OXNAD1: variants seen among roughly 807,000 people sequenced by gnomAD.
OXNAD1 encodes the protein oxidoreductase NAD-binding domain-containing protein 1.
OXNAD1 carries 34 observed loss-of-function variants against 32.9 expected under a neutral mutation model. That is an observed-to-expected ratio of 1.03 (90% CI 0.79 to 1.38). The LOEUF (loss-of-function observed/expected upper bound fraction) is 1.38. Among genes scored for constraint, OXNAD1 ranks in the 40% most tolerant of loss-of-function variants. OXNAD1 has a pLI of 0.00. For synonymous variants in OXNAD1, 134 were observed against 135.2 expected, an observed-to-expected ratio of 0.99 and a Z score of 0.06; for missense variants, 407 against 379.4, an observed-to-expected ratio of 1.07 and a Z score of -0.60.
chr3:16,337,714 C>A (rs2070990802), downstream of OXNAD1, among the ~76,000 whole-genome samples: 1 of 148,384 alleles, frequency 6.7e-6, no homozygotes, highest in Admixed American at 6.7e-5. This position sits in a 1 kb window ranked among gnomAD's most constrained non-coding sequence, Gnocchi z 5.0. Context: ...TGCACTCCAG[C>A]CTGGCGACAG....
chr3:16,301,842 A>G lies in OXNAD1; in HGVS notation c.649A>G (p.Lys217Glu). The change falls in exon 7 of 9, where the codon AAA becomes GAA. Residue 217 changes from lysine to glutamate, a missense_variant. Lys to Glu is a moderately conservative substitution (Grantham distance 56, BLOSUM62 1). Coordinates refer to ENST00000285083, the MANE Select transcript of OXNAD1 (RefSeq NM_138381.5). The surrounding 1 kb of genome is among the most constrained non-coding windows in gnomAD (Gnocchi z 4.1). ...AACAATAAAACTATTCTACAGTGCA[A>G]AAAATACCAGCGAACTCCTGTTTAA... Reference protein sequence around the residue: ...IGTIKLFYSAKNTSELLFKKN... With the variant: ...IGTIKLFYSAENTSELLFKKN... 6.2e-7 allele frequency: 1 copy of G among 1,614,040 alleles called. No individual in the cohort carries two copies. The highest frequency in any genetic ancestry group is 8.5e-7 in the Non-Finnish European group (1 of 1,179,896).
chr3:16,345,786 C>CTGTGTGTGTGTGTGTGTGTGTGTGTGTG lies in OXNAD1; in HGVS notation c.*31-3389_*31-3388insGTGTGTGTGTGTGTGTGTGTGTGTGTGT, dbSNP rs1553726059. ...CATGAGCCAAAACCTTATAATAAAT[C>CTGTGTGTGTGTGTGTGTGTGTGTGTGTG]TCTGTGTGTGTGTGTGTGTGTGTGT... On this transcript the variant is annotated intron_variant, in intron 9 of 9. Transcript: ENST00000606098. This position sits in a 1 kb window ranked among gnomAD's most constrained non-coding sequence, Gnocchi z 5.2. 1.2e-5 allele frequency among the ~76,000 whole-genome samples: 1 copy of CTGTGTGTGTGTGTGTGTGTGTGTGTGTG among 81,556 alleles called. No individual in the cohort carries two copies. The highest frequency in any genetic ancestry group is 5.4e-5 in the African/African-American group (1 of 18,508). 53.5% of individuals were successfully genotyped at this position (81,556 alleles called of 152,430 possible). A position where few individuals can be genotyped will look rare whatever the true frequency, so the allele number is the denominator to read the frequency against.
Position 16,348,904 on chromosome 3 carries a change from AC to A in OXNAD1, c.*31-269del. Among the ~76,000 whole-genome samples, 1 of 152,232 alleles carries A rather than the reference AC, an allele frequency of 6.6e-6. No homozygotes were observed. Among genetic ancestry groups the A allele is most frequent in the Non-Finnish European group, 1.5e-5 (1 of 68,016 alleles). On this transcript the variant is annotated intron_variant, in intron 9 of 9. Transcript: ENST00000606098. This position sits in a 1 kb window ranked among gnomAD's most constrained non-coding sequence, Gnocchi z 6.3. The stretch of plus-strand genomic sequence containing the variant: ...CCACAATCCACACACATTTCAGAAC[AC>A]CCGAGCAAGTGGCTGCTGCCAAGGA...
At chr3:16,325,839 T>C (rs2069633381) in intron 9 of OXNAD1, among the ~76,000 whole-genome samples, 1 of 152,218 alleles carries the variant, frequency 6.6e-6, no homozygotes, top group African/African-American at 2.4e-5. Flanking sequence ...TTTGCCAGCC[T>C]TGCCCCATGC....
chr3:16,351,025 G>A (rs772253610), downstream of OXNAD1, among the ~76,000 whole-genome samples: 1 of 152,214 alleles, frequency 6.6e-6, no homozygotes, highest in African/African-American at 2.4e-5. The surrounding 1 kb of genome is among the most constrained non-coding windows in gnomAD (Gnocchi z 5.4). Context: ...GAAACCTGCA[G>A]AACTTCATGA....
chr3:16,319,291 CA>C (rs1364429374), intron 9 of OXNAD1, among the ~76,000 whole-genome samples: 1 of 152,088 alleles, frequency 6.6e-6, no homozygotes, highest in Non-Finnish European at 1.5e-5. Flanking sequence ...TTACTGTTGC[CA>C]AAAAAGTGGT....
rs956911329 is a variant in OXNAD1, at chr3:16,346,597, C to G, written c.*31-2579C>G. Among the ~76,000 whole-genome samples the G allele has an allele frequency of 2.6e-5, 4 of 152,242 alleles. No individual in the cohort carries two copies. Among genetic ancestry groups the G allele is most frequent in the African/African-American group, 9.6e-5 (4 of 41,538 alleles). On this transcript the variant is annotated intron_variant, in intron 9 of 9. Transcript: ENST00000606098. This position sits in a 1 kb window ranked among gnomAD's most constrained non-coding sequence, Gnocchi z 4.4. ...GCCCAGGGCTTCTTCCTCACTGACA[C>G]CCCCCAGGCCTGGACAACCATGACT...
At position 16,271,416 on chromosome 3, in the gene OXNAD1, C is replaced by CTG. The variant is rs1291092276; in HGVS notation, c.120-242_120-241dup. 6.6e-6 allele frequency among the ~76,000 whole-genome samples: 1 copy of CTG among 152,130 alleles called. No homozygotes were observed. Among genetic ancestry groups the CTG allele is most frequent in the African/African-American group, 2.4e-5 (1 of 41,414 alleles). On this transcript the variant is annotated intron_variant, in intron 3 of 8. Transcript: ENST00000285083. This position sits in a 1 kb window ranked among gnomAD's most constrained non-coding sequence, Gnocchi z 4.6. ...AAAGGCTTTCTCCATGTTGGCCAGG[C>CTG]TGGTCTCGTACTCCTGACGTCAGAT...
At position 16,287,360 on chromosome 3, in the gene OXNAD1, C is replaced by G. The variant is rs1238627541; in HGVS notation, c.290+912C>G. ...TGTGATAATAGCAAGAGTTAGCAGT[C>G]TTGTGTGTTAATAGTTTGCCTTTGA... On this transcript the variant is annotated intron_variant, in intron 5 of 8. Coordinates refer to ENST00000285083, the MANE Select transcript of OXNAD1 (RefSeq NM_138381.5). The surrounding 1 kb of genome is among the most constrained non-coding windows in gnomAD (Gnocchi z 4.8). Among the ~76,000 whole-genome samples, 1 of 152,126 alleles carries G rather than the reference C, an allele frequency of 6.6e-6. No individual in the cohort carries two copies. The highest frequency in any genetic ancestry group is 1.5e-5 in the Non-Finnish European group (1 of 68,034).
At position 16,320,154 on chromosome 3, in the gene OXNAD1, A is replaced by G. The variant is rs9811719; in HGVS notation, c.*30+16562A>G. On this transcript the variant is annotated intron_variant, in intron 9 of 9. Coordinates refer to the OXNAD1 transcript ENST00000435829. This position sits in a 1 kb window ranked among gnomAD's most constrained non-coding sequence, Gnocchi z 4.5. ...AATTTGCACATTTTAAAAACTGCCC[A>G]TGATGTGTCCACTTCAAGTAGTTTA... Among the ~76,000 whole-genome samples, 4,084 of 151,188 alleles carry G rather than the reference A, an allele frequency of 0.027. 181 individuals carry two copies. The highest frequency in any genetic ancestry group is 0.096 in the African/African-American group (3,869 of 40,484).
Position 16,317,290 on chromosome 3 carries a change from C to G in OXNAD1, c.*30+13698C>G. On this transcript the variant is annotated intron_variant, in intron 9 of 9. Coordinates refer to the OXNAD1 transcript ENST00000435829. The surrounding 1 kb of genome is among the most constrained non-coding windows in gnomAD (Gnocchi z 4.3). ...AGCCTCCGGGAACCCAGAGCTTCACCCAAAGCCTTGTTTGCATTCATACCC... is the reference window on the plus strand; with the variant it reads ...AGCCTCCGGGAACCCAGAGCTTCACGCAAAGCCTTGTTTGCATTCATACCC... 1 of 1,571,086 alleles carries G rather than the reference C, an allele frequency of 6.4e-7. No homozygotes were observed. Among genetic ancestry groups the G allele is most frequent in the Non-Finnish European group, 8.6e-7 (1 of 1,159,078 alleles).
rs1230733301 is a variant in OXNAD1 at position 16,299,220 on chromosome 3, A to G, written c.433-2406A>G. 2.6e-5 allele frequency among the ~76,000 whole-genome samples: 4 copies of G among 152,250 alleles called. No individual in the cohort carries two copies. The highest frequency in any genetic ancestry group is 5.9e-5 in the Non-Finnish European group (4 of 68,048). On this transcript the variant is annotated intron_variant, in intron 6 of 8. Transcript: ENST00000285083. The surrounding 1 kb of genome is among the most constrained non-coding windows in gnomAD (Gnocchi z 4.4). ...TTCTTATAGATAAAGAGAGAACTGC[A>G]CAGGCAAGCAAGAGAGGGAGGGAAG...
At position 16,301,660 on chromosome 3, in the gene OXNAD1, G is replaced by GT; in HGVS notation, c.468dup (p.Gly157TrpfsTer6). The GT allele has an allele frequency of 6.2e-7, 1 of 1,613,898 alleles. No individual in the cohort carries two copies. The highest frequency in any genetic ancestry group is 8.5e-7 in the Non-Finnish European group (1 of 1,179,918). Reference sequence around the variant, plus strand: ...GACTGTGAAGTGGCTGTGAGAGTGGGTGGAGAGTTCTTCTTTGACCCTCAG... The same window carrying GT: ...GACTGTGAAGTGGCTGTGAGAGTGGGTTGGAGAGTTCTTCTTTGACCCTCAG... On this transcript the variant is annotated frameshift_variant, in exon 7 of 9. Coordinates refer to ENST00000285083, the MANE Select transcript of OXNAD1 (RefSeq NM_138381.5). LOFTEE classifies it high-confidence loss of function. This position sits in a 1 kb window ranked among gnomAD's most constrained non-coding sequence, Gnocchi z 4.1.
At chr3:16,318,757 A>C (rs1385066596) in intron 9 of OXNAD1, among the ~76,000 whole-genome samples, 1 of 152,154 alleles carries the variant, frequency 6.6e-6, no homozygotes, top group Non-Finnish European at 1.5e-5. Context: ...AAAAAACCCA[A>C]ATGAGTTCAC....
intron 9 of OXNAD1, among the ~76,000 whole-genome samples, chr3:16,318,730 C>CGAAA (rs1275638507): frequency 6.6e-6 from 1 of 152,206 alleles, no homozygotes; most frequent in African/African-American, 2.4e-5. Flanking sequence ...CTGGTCCTTT[C>CGAAA]CCACCCTGTA....
intron 4 of OXNAD1, 22 bp from the exon 5 acceptor site, chr3:16,286,320 A>G: frequency 6.3e-7 from 1 of 1,588,646 alleles, no homozygotes; most frequent in Non-Finnish European, 8.6e-7. Context: ...AACCTCAGCC[A>G]CAGTTCATCT....
At chr3:16,328,418 C>A (rs891562212) in intron 9 of OXNAD1, among the ~76,000 whole-genome samples, 1 of 152,166 alleles carries the variant, frequency 6.6e-6, no homozygotes, top group African/African-American at 2.4e-5. Context: ...ATGCCCTGGG[C>A]GAGTGGGATG....
rs1426297116 is a variant in OXNAD1, at chr3:16,320,757, T to C, written c.*31-16355T>C. ...GAAGAACTGGAGGCCACAGAGGAGC[T>C]GGAGGCCACAGAGAATGGGAGGCTG... On this transcript the variant is annotated intron_variant, in intron 9 of 9. Coordinates refer to the OXNAD1 transcript ENST00000435829. This position sits in a 1 kb window ranked among gnomAD's most constrained non-coding sequence, Gnocchi z 4.5. Among the ~76,000 whole-genome samples, 1 of 152,100 alleles carries C rather than the reference T, an allele frequency of 6.6e-6. No homozygotes were observed. The highest frequency in any genetic ancestry group is 1.5e-5 in the Non-Finnish European group (1 of 67,996).
chr3:16,270,780 A>C, intron 2 of OXNAD1, 165 bp from the exon 3 acceptor site: 1 of 910,002 alleles, frequency 1.1e-6, no homozygotes, highest in Non-Finnish European at 1.6e-6. Flanking sequence ...ATAGTGGCAG[A>C]AATTTTGTCA....
Sources: allele counts gnomAD v4.1 joint callset (sites outside exome capture counted in the v4.1 genomes callset), GRCh38; gene constraint gnomAD v4.1.1; non-coding constraint Gnocchi (gnomAD v3.1); transcripts MANE v1.5; gene names NCBI Gene and HGNC (gene_info 2026-07-23, HGNC 2026-07-21).